Variants in TGM3 observed in about 807,000 individuals in gnomAD.
TGM3 encodes the protein transglutaminase 3.
In TGM3, 52 loss-of-function variants were observed where a neutral mutation model predicts 73.8. The ratio of observed to expected loss-of-function variants is 0.70; its 90% confidence interval spans 0.56 to 0.89. The LOEUF (loss-of-function observed/expected upper bound fraction) is 0.89. TGM3 is among the 40% of genes least tolerant of loss of function. The pLI is 0.00. For missense variants in TGM3, 928 were observed against 909.9 expected, an observed-to-expected ratio of 1.02 and a Z score of -0.26; for synonymous variants, 372 against 354.9, an observed-to-expected ratio of 1.05 and a Z score of -0.54.
Position 2,340,932 on chromosome 20 carries a change from C to G in TGM3, c.*351C>G, listed in dbSNP as rs752590819. ...CTCCAAACGGGATACAGGAGAGAAG[C>G]TGGTCTAGACTGTTTGCTGATCCCC... On this transcript the variant is annotated 3_prime_UTR_variant, in exon 13 of 13. Transcript: ENST00000381458. The G allele has an allele frequency of 2.2e-4, 104 of 480,104 alleles. No homozygotes were observed. The highest frequency in any genetic ancestry group is 3.8e-4 in the Non-Finnish European group (92 of 243,012). 29.7% of individuals were successfully genotyped at this position (480,104 alleles called of 1,614,324 possible).
At chr20:2,321,670 C>G (rs45567938) in intron 7 of TGM3, among the ~76,000 whole-genome samples, 6 of 152,098 alleles carry the variant, frequency 3.9e-5, no homozygotes, top group African/African-American at 9.7e-5. Flanking sequence ...TTCTGATGCC[C>G]GCAGCCTGTC....
At chr20:2,327,450 C>G (rs530519197) in intron 8 of TGM3, among the ~76,000 whole-genome samples, 1 of 152,180 alleles carries the variant, frequency 6.6e-6, no homozygotes, top group Non-Finnish European at 1.5e-5. Flanking sequence ...GCACTCCAGA[C>G]TGGGCGACAG....
At chr20:2,303,930 T>A (rs965782006) in intron 1 of TGM3, among the ~76,000 whole-genome samples, 1 of 152,228 alleles carries the variant, frequency 6.6e-6, no homozygotes, top group African/African-American at 2.4e-5. Context: ...TGCTCACATC[T>A]GGAATAAAGG....
Position 2,328,271 on chromosome 20 carries a change from C to T in TGM3, c.1239C>T (p.Ser413=), listed in dbSNP as rs759931447. The T allele has an allele frequency of 3.7e-6, 6 of 1,614,162 alleles. No homozygotes were observed. The highest frequency in any genetic ancestry group is 1.6e-4 in the Middle Eastern group (1 of 6,062). ...CCACTGGCAAACAGTGGAAGAATTC[C>T]GTGAACAGTCACACCATTGGCAGGT... ...DNTTGKQWKN[S]VNSHTIGRYI... is the part of the protein sequence containing the mutation. Residue 413 remains serine (S), a synonymous_variant, in exon 9 of 13, where the codon TCC becomes TCT. Coordinates refer to ENST00000381458, the MANE Select transcript of TGM3 (RefSeq NM_003245.4). This position sits in a 1 kb window ranked among gnomAD's most constrained non-coding sequence, Gnocchi z 5.2.
intron 7 of TGM3, among the ~76,000 whole-genome samples, chr20:2,324,679 A>G (rs934027753): frequency 6.6e-6 from 1 of 152,094 alleles, no homozygotes; most frequent in Non-Finnish European, 1.5e-5. Flanking sequence ...CTCTCCAGCA[A>G]CCCAGGTTGG....
At chr20:2,313,668 G>GAC (rs1467394901) in intron 5 of TGM3, among the ~76,000 whole-genome samples, 18 of 142,702 alleles carry the variant, frequency 1.3e-4, no homozygotes, top group East Asian at 8.8e-4. Context: ...CTCTCTCTCA[G>GAC]ACACACACAC....
Position 2,334,734 on chromosome 20 carries a change from A to G in TGM3, c.1643-382A>G, listed in dbSNP as rs934534820. Among the ~76,000 whole-genome samples the G allele has an allele frequency of 2.6e-5, 4 of 152,178 alleles. No individual in the cohort carries two copies. The highest frequency in any genetic ancestry group is 1.9e-4 in the East Asian group (1 of 5,184). On this transcript the variant is annotated intron_variant, in intron 10 of 12. Coordinates refer to ENST00000381458, the MANE Select transcript of TGM3 (RefSeq NM_003245.4). The surrounding 1 kb of genome is among the most constrained non-coding windows in gnomAD (Gnocchi z 4.0). ...CAAGGCGGGAGGATCCCTTGAGTCC[A>G]GGAGTTTGAGACCAGCCTGGACAAC...
chr20:2,339,809 G>A (rs763450933), intron 11 of TGM3, 45 bp from the exon 12 acceptor site: 106 of 1,612,062 alleles, frequency 6.6e-5, no homozygotes, highest in Non-Finnish European at 8.9e-5. Flanking sequence ...GCAGGCAGGG[G>A]CTGAGCAGCT....
chr20:2,314,067 G>A (rs561972358), intron 5 of TGM3, among the ~76,000 whole-genome samples: 116 of 152,268 alleles, frequency 7.6e-4, no homozygotes, highest in African/African-American at 2.6e-3. Flanking sequence ...CTACTTGGGA[G>A]ACTGAGGTGG....
At chr20:2,312,489 G>A (rs144443062) in intron 4 of TGM3, among the ~76,000 whole-genome samples, 204 of 151,424 alleles carry the variant, frequency 1.3e-3, no homozygotes, top group African/African-American at 4.6e-3. Context: ...TGGAGAAATC[G>A]AGGCCAGACA....
chr20:2,316,975 C>T (rs1373900992), intron 5 of TGM3, 93 bp from the exon 6 acceptor site: 1 of 1,457,540 alleles, frequency 6.9e-7, no homozygotes, highest in Non-Finnish European at 9.4e-7. Flanking sequence ...CTTCCTTCCT[C>T]ATCTCCCCAC....
In TGM3 at chr20:2,313,016, T is replaced by C; in HGVS notation, c.659T>C (p.Leu220Pro). ...GACCCCAAATACGTTGGCCGGGTGCTGAGTGCCATGGTGAGTAACAGGAAA... is the reference window on the plus strand; with the variant it reads ...GACCCCAAATACGTTGGCCGGGTGCCGAGTGCCATGGTGAGTAACAGGAAA... ...RNDPKYVGRV[L>P]SAMINSNDDN... Residue 220 changes from leucine (L) to proline (P), a missense_variant, in exon 5 of 13, where the codon CTG (leucine) becomes CCG (proline). By Grantham distance (98) the Leu-to-Pro change is moderately conservative. Coordinates refer to ENST00000381458, the MANE Select transcript of TGM3 (RefSeq NM_003245.4). 1.9e-6 allele frequency: 3 copies of C among 1,614,178 alleles called. No homozygotes were observed. The highest frequency in any genetic ancestry group is 2.5e-6 in the Non-Finnish European group (3 of 1,180,032).
chr20:2,309,873 G>A (rs2084193949), intron 2 of TGM3, 43 bp downstream of exon 2: 1 of 1,611,194 alleles, frequency 6.2e-7, no homozygotes, highest in Admixed American at 1.7e-5. Flanking sequence ...ACACATACTT[G>A]AGTAGCCCTT....
intron 7 of TGM3, among the ~76,000 whole-genome samples, chr20:2,324,251 G>A (rs1025941374): frequency 3.3e-5 from 5 of 151,806 alleles, no homozygotes; most frequent in Non-Finnish European, 7.4e-5. Context: ...TCTGCCCAAA[G>A]TTTATCTCTT....
intron 3 of TGM3, among the ~76,000 whole-genome samples, 188 bp from the exon 4 acceptor site, chr20:2,310,823 G>T (rs1391207838): frequency 6.6e-6 from 1 of 152,110 alleles, no homozygotes; most frequent in Non-Finnish European, 1.5e-5. Context: ...GGTCATCCTA[G>T]CTTCTCTTTC....
chr20:2,340,027 A>C, intron 12 of TGM3, 40 bp downstream of exon 12: 1 of 133,152 alleles, frequency 7.5e-6, no homozygotes, highest in Non-Finnish European at 1.6e-5. Flanking sequence ...GGAGGGCGGG[A>C]GGGGGCGGGG....
intron 9 of TGM3, among the ~76,000 whole-genome samples, chr20:2,329,233 G>T (rs1289515904): frequency 2.0e-5 from 3 of 152,144 alleles, no homozygotes; most frequent in African/African-American, 7.2e-5. Context: ...TCCTCATAAA[G>T]GTGCACACAG....
In TGM3 at chr20:2,334,326, A is replaced by G. The variant is rs140124708; in HGVS notation, c.1643-790A>G. Reference sequence around the variant, plus strand: ...AGGGGTCTGAACTTTATCTAAGGCAATGAGGAGCCACGGAAGATTTTTGAA... The same window carrying G: ...AGGGGTCTGAACTTTATCTAAGGCAGTGAGGAGCCACGGAAGATTTTTGAA... On this transcript the variant is annotated intron_variant, in intron 10 of 12. Transcript: ENST00000381458. The surrounding 1 kb of genome is among the most constrained non-coding windows in gnomAD (Gnocchi z 4.0). Among the ~76,000 whole-genome samples the G allele has an allele frequency of 1.3e-5, 2 of 152,316 alleles. No individual in the cohort carries two copies. Among genetic ancestry groups the G allele is most frequent in the East Asian group, 3.9e-4 (2 of 5,178 alleles).
intron 11 of TGM3, 89 bp downstream of exon 11, chr20:2,335,362 C>T: frequency 1.3e-6 from 2 of 1,526,574 alleles, no homozygotes; most frequent in South Asian, 1.2e-5. Context: ...AGCCACAGCT[C>T]TCCCAGAGGG....
Sources: gnomAD v4.1 joint callset for allele counts (sites outside exome capture counted in the v4.1 genomes callset) on GRCh38, gnomAD v4.1.1 for gene constraint, Gnocchi (gnomAD v3.1) non-coding constraint, MANE v1.5 for transcripts, NCBI Gene and HGNC (gene_info 2026-07-23, HGNC 2026-07-21) for gene names.